The following FAM193A variants were observed in gnomAD, a reference collection of about 807,000 sequenced individuals.
FAM193A encodes the protein protein FAM193A.
Under a neutral mutation model 126.5 loss-of-function variants are expected in FAM193A, and 22 were observed. The observed-to-expected ratio is 0.17, with a 90% CI of 0.12 to 0.25. FAM193A has a LOEUF of 0.25. Ranked by LOEUF, FAM193A falls within the 10% of genes least tolerant of loss-of-function variation. FAM193A has a pLI of 1.00. For missense variants in FAM193A, 1,675 were observed against 1,672.8 expected (o/e 1.00, Z -0.02); for synonymous variants, 761 against 646.8 (o/e 1.18, Z -2.68).
chr4:2,568,961 GT>G lies in FAM193A; in HGVS notation c.256-27121del, dbSNP rs1158859027. Among the ~76,000 whole-genome samples, 6 of 112,716 alleles carry G rather than the reference GT, an allele frequency of 5.3e-5. 1 individual carries two copies. The highest frequency in any genetic ancestry group is 3.8e-5 in the Non-Finnish European group (2 of 52,138). The allele number at this position is 112,716 out of a possible 152,430, so 73.9% of individuals were successfully genotyped here. ...GTTACTCATTCAGATTTCTTTTGTT[GT>G]TGTTGTTTTGCTTTTTTTTTTTTTT... On this transcript the variant is annotated intron_variant, in intron 1 of 20. Transcript: ENST00000637812.
intron 5 of FAM193A, among the ~76,000 whole-genome samples, chr4:2,636,570 C>A (rs184570334): frequency 6.6e-5 from 10 of 152,242 alleles, no homozygotes; most frequent in African/African-American, 2.4e-4. Context: ...TAGTGTCATT[C>A]ATAGGTCATT....
intron 1 of FAM193A, among the ~76,000 whole-genome samples, chr4:2,543,235 G>C (rs554760706): frequency 2.6e-5 from 4 of 152,042 alleles, no homozygotes; most frequent in Middle Eastern, 6.8e-3. Context: ...CTACTGGTGT[G>C]TGCCACTATG....
At chr4:2,553,353 T>G (rs1738058095) in intron 1 of FAM193A, among the ~76,000 whole-genome samples, 1 of 150,824 alleles carries the variant, frequency 6.6e-6, no homozygotes, top group Non-Finnish European at 1.5e-5. Flanking sequence ...CTAAAATAAT[T>G]AAGTAAAGTT....
chr4:2,695,080 A>G lies in FAM193A; in HGVS notation c.3227A>G (p.Glu1076Gly). The change falls in exon 17 of 21, where the codon GAG (glutamate) becomes GGG (glycine). Residue 1076 changes from glutamate (E) to glycine (G), a missense_variant. Transcript: ENST00000637812. ...SSTSTSTNQK[E>G]GKYCDCCYCE... ...ACCTCGACCTCCACCAACCAGAAGG[A>G]GGGCAAGTACTGCGACTGCTGCTAC... The G allele has an allele frequency of 6.2e-7, 1 of 1,609,200 alleles. No individual in the cohort carries two copies. Among genetic ancestry groups the G allele is most frequent in the Admixed American group, 1.7e-5 (1 of 59,246 alleles).
intron 12 of FAM193A, 116 bp from the exon 13 acceptor site, chr4:2,672,005 G>C: frequency 8.7e-7 from 1 of 1,149,544 alleles, no homozygotes; most frequent in Non-Finnish European, 1.2e-6. Flanking sequence ...AGGGTGTCAG[G>C]AAAAGCCCAC....
chr4:2,612,950 A>G lies in FAM193A; in HGVS notation c.502-12312A>G, dbSNP rs1258268193. ...TTAGAGCCAACTTGTCAGTTTCTAC[A>G]GAAAAGCCTGTTGGGATTTTAACTG... On this transcript the variant is annotated intron_variant, in intron 2 of 20. Transcript: ENST00000637812. Among the ~76,000 whole-genome samples the G allele has an allele frequency of 2.0e-5, 3 of 152,364 alleles. No individual in the cohort carries two copies. The East Asian group carries it at 5.8e-4, about 29-fold the overall frequency.
intron 4 of FAM193A, among the ~76,000 whole-genome samples, chr4:2,628,295 G>A (rs1028893699): frequency 3.9e-5 from 6 of 152,132 alleles, no homozygotes; most frequent in African/African-American, 1.4e-4. Flanking sequence ...TATTTTCAGG[G>A]TTTGACCTGT....
At chr4:2,630,631 C>T (rs576318453) in intron 4 of FAM193A, among the ~76,000 whole-genome samples, 1 of 152,336 alleles carries the variant, frequency 6.6e-6, no homozygotes, top group South Asian at 2.1e-4. Flanking sequence ...GCCAAAATGT[C>T]CCCTCTGTAA....
chr4:2,569,185 G>C (rs1306592068), intron 1 of FAM193A, among the ~76,000 whole-genome samples: 1 of 151,842 alleles, frequency 6.6e-6, no homozygotes, highest in African/African-American at 2.4e-5. Context: ...TGGCCAGGCT[G>C]ATCTCGAACT....
chr4:2,562,134 T>A (rs751836542), intron 1 of FAM193A, among the ~76,000 whole-genome samples: 1 of 152,158 alleles, frequency 6.6e-6, no homozygotes, highest in Non-Finnish European at 1.5e-5. Flanking sequence ...ATTGTAATTG[T>A]CACTCTTTCG....
At chr4:2,654,764 G>C in intron 7 of FAM193A, 1 of 237,950 alleles carries the variant, frequency 4.2e-6, no homozygotes. Flanking sequence ...TTGTATTATG[G>C]TTTTATAGTT....
Position 2,639,773 on chromosome 4 carries a change from A to G in FAM193A, c.1077A>G (p.Glu359=). ...TGAAAAAGTTCCAAGTGACGTGGGA[A>G]CTGCATAATAAACACCTGTTTGAAA... The part of the protein sequence containing the change: ...EHLKKFQVTW[E]LHNKHLFENL... Residue 359 remains glutamate (E), a synonymous_variant, in exon 6 of 21, where the codon GAA becomes GAG. Transcript: ENST00000637812. 1 of 1,613,818 alleles carries G rather than the reference A, an allele frequency of 6.2e-7. No individual in the cohort carries two copies. The highest frequency in any genetic ancestry group is 8.5e-7 in the Non-Finnish European group (1 of 1,179,764).
intron 7 of FAM193A, among the ~76,000 whole-genome samples, chr4:2,652,892 G>A (rs1249871414): frequency 6.6e-6 from 1 of 152,236 alleles, no homozygotes; most frequent in Non-Finnish European, 1.5e-5. Context: ...CCGTTACCGA[G>A]TGCTGTGCCA....
Position 2,690,750 on chromosome 4 carries a change from A to G in FAM193A, c.2583A>G (p.Pro861=). The G allele has an allele frequency of 6.2e-7, 1 of 1,614,088 alleles. No homozygotes were observed. The highest frequency in any genetic ancestry group is 1.3e-5 in the African/African-American group (1 of 75,050). The part of the protein sequence containing the change: ...TLSETRPEAL[P]PPSSNETPAV... ...CAGAAACAAGACCGGAAGCCCTTCCACCTCCATCTAGCAATGAAACACCTG... is the reference window on the plus strand; with the variant it reads ...CAGAAACAAGACCGGAAGCCCTTCCGCCTCCATCTAGCAATGAAACACCTG... Residue 861 remains proline, a synonymous_variant, in exon 15 of 21, where the codon CCA becomes CCG. Coordinates refer to ENST00000637812, the MANE Select transcript of FAM193A (RefSeq NM_001366318.2).
Position 2,632,344 on chromosome 4 carries a change from T to C in FAM193A, c.1038+1175T>C, listed in dbSNP as rs529712664. Among the ~76,000 whole-genome samples, 8 of 152,072 alleles carry C rather than the reference T, an allele frequency of 5.3e-5. No individual in the cohort carries two copies. In the South Asian group the frequency reaches 1.5e-3, roughly 28 times the overall value. Reference sequence around the variant, plus strand: ...ACTTTGGGAAGCCAAAGTGGGAGGATCACTTGAGCCCAGGAGCTTGAGACT... The same window carrying C: ...ACTTTGGGAAGCCAAAGTGGGAGGACCACTTGAGCCCAGGAGCTTGAGACT... On this transcript the variant is annotated intron_variant, in intron 5 of 20. Transcript: ENST00000637812.
chr4:2,624,037 G>A (rs1334200689), intron 2 of FAM193A, among the ~76,000 whole-genome samples: 2 of 152,138 alleles, frequency 1.3e-5, no homozygotes, highest in Non-Finnish European at 1.5e-5. Context: ...CCTTCTCAGG[G>A]CCTCTTCTAG....
chr4:2,668,866 A>G (rs1312553800), intron 12 of FAM193A, among the ~76,000 whole-genome samples: 3 of 142,530 alleles, frequency 2.1e-5, no homozygotes, highest in Non-Finnish European at 4.8e-5. Flanking sequence ...TTTTTGAGAC[A>G]GAGTCACACT....
At chr4:2,609,730 C>G (rs1242420089) in intron 2 of FAM193A, among the ~76,000 whole-genome samples, 1 of 151,698 alleles carries the variant, frequency 6.6e-6, no homozygotes, top group East Asian at 1.9e-4. Flanking sequence ...GAGATCGAGA[C>G]CATCCTGGCT....
intron 7 of FAM193A, among the ~76,000 whole-genome samples, chr4:2,652,682 C>T (rs1265340901): frequency 2.0e-5 from 3 of 152,124 alleles, no homozygotes; most frequent in Non-Finnish European, 1.5e-5. Context: ...CCCACCAGGC[C>T]CCATCTCCAA....
Sources: allele counts gnomAD v4.1 joint callset (sites outside exome capture counted in the v4.1 genomes callset), GRCh38; gene constraint gnomAD v4.1.1; transcripts MANE v1.5; gene names NCBI Gene and HGNC (gene_info 2026-07-23, HGNC 2026-07-21).